The following PSPH variants were observed in gnomAD, a reference collection of about 807,000 sequenced individuals.
The protein encoded by PSPH is L-3-phosphoserine phosphatase.
PSPH carries 16 observed loss-of-function variants against 23.4 expected under a neutral mutation model. The ratio of observed to expected loss-of-function variants is 0.68; its 90% confidence interval spans 0.46 to 1.04. The LOEUF (loss-of-function observed/expected upper bound fraction) is 1.04. Ranked by LOEUF, PSPH falls within the 50% of genes least tolerant of loss-of-function variation. The probability of loss-of-function intolerance (pLI) is 0.00; values close to 1 mark genes in which losing one functional copy is unlikely to be tolerated. For missense variants in PSPH, 223 were observed against 273.7 expected, an observed-to-expected ratio of 0.81 and a Z score of 1.31; for synonymous variants, 68 against 99.7, an observed-to-expected ratio of 0.68 and a Z score of 1.89.
intron 3 of PSPH, among the ~76,000 whole-genome samples, chr7:56,028,654 G>A (rs767614976): frequency 1.9e-4 from 29 of 151,994 alleles, no homozygotes; most frequent in Admixed American, 8.5e-4. Flanking sequence ...AAACGGTCAG[G>A]CCAGGGGAGA....
chr7:56,035,116 G>A (rs1791564034), intron 1 of PSPH, among the ~76,000 whole-genome samples: 1 of 152,078 alleles, frequency 6.6e-6, no homozygotes, highest in African/African-American at 2.4e-5. Flanking sequence ...TGAGGCAAGC[G>A]GATCACCTGA....
At chr7:56,037,171 C>G (rs1791832059) in intron 1 of PSPH, among the ~76,000 whole-genome samples, 2 of 121,208 alleles carry the variant, frequency 1.7e-5, no homozygotes, top group Non-Finnish European at 3.4e-5. Flanking sequence ...CAGACTCTGT[C>G]TCAAAAAAAA....
intron 1 of PSPH, among the ~76,000 whole-genome samples, chr7:56,041,373 C>T (rs1390644469): frequency 3.3e-5 from 5 of 151,848 alleles, no homozygotes; most frequent in African/African-American, 1.2e-4. Flanking sequence ...CCACCATGCC[C>T]AGCTAATTTT....
chr7:56,020,967 A>G, intron 4 of PSPH, 106 bp downstream of exon 4: 1 of 1,334,338 alleles, frequency 7.5e-7, no homozygotes, highest in Non-Finnish European at 1.1e-6. Flanking sequence ...ATGAAAGAAA[A>G]AGCCTAGTGC....
chr7:56,051,020 A>G (rs969813868), intron 1 of PSPH, 118 bp downstream of exon 1: 3 of 152,200 alleles, frequency 2.0e-5, no homozygotes, highest in African/African-American at 7.2e-5. Flanking sequence ...CAACATAGTG[A>G]GACCCTATGT....
At chr7:56,048,418 C>G (rs1357335508) in intron 1 of PSPH, among the ~76,000 whole-genome samples, 1 of 151,952 alleles carries the variant, frequency 6.6e-6, no homozygotes, top group African/African-American at 2.4e-5. Flanking sequence ...AGAACTGTTC[C>G]AGACTGAAGA....
chr7:56,027,131 G>T (rs1276595720), intron 3 of PSPH, among the ~76,000 whole-genome samples: 1 of 151,746 alleles, frequency 6.6e-6, no homozygotes, highest in African/African-American at 2.4e-5. Context: ...CTTGAACCCG[G>T]GAGGCAGAAG....
At chr7:56,021,365 T>G (rs1007855993) in intron 3 of PSPH, 134 bp from the exon 4 acceptor site, 4 of 658,850 alleles carry the variant, frequency 6.1e-6, no homozygotes, top group Non-Finnish European at 8.9e-6. Context: ...CAGATTCATT[T>G]TTTTTTCCTT....
At chr7:56,041,315 C>T (rs1584496515) in intron 1 of PSPH, among the ~76,000 whole-genome samples, 1 of 150,516 alleles carries the variant, frequency 6.6e-6, no homozygotes, top group Admixed American at 6.7e-5. Flanking sequence ...CAGGTTCAAG[C>T]GATTCTTCTG....
At chr7:56,021,018 G>C (rs1789310025) in intron 4 of PSPH, 55 bp downstream of exon 4, 3 of 1,433,064 alleles carry the variant, frequency 2.1e-6, no homozygotes, top group Non-Finnish European at 2.7e-6. Context: ...ATCCAAAACA[G>C]TCACTCTTTA....
At chr7:56,039,795 T>TA (rs1266091253) in intron 1 of PSPH, among the ~76,000 whole-genome samples, 409 of 107,760 alleles carry the variant, frequency 3.8e-3, no homozygotes, top group Middle Eastern at 0.014. Context: ...AAAAAAAAAT[T>TA]AAAAAAAAAA....
intron 3 of PSPH, among the ~76,000 whole-genome samples, chr7:56,021,904 C>T (rs866070991): frequency 1.4e-5 from 2 of 146,722 alleles, no homozygotes; most frequent in South Asian, 2.2e-4. Flanking sequence ...GAGCCAAGAT[C>T]GCGCCACTGC....
chr7:56,016,732 A>G (rs1788609084), intron 6 of PSPH, among the ~76,000 whole-genome samples: 1 of 151,480 alleles, frequency 6.6e-6, no homozygotes, highest in Non-Finnish European at 1.5e-5. Flanking sequence ...CACCATGCCC[A>G]GCTAATTTTT....
At position 56,015,295 on chromosome 7, in the gene PSPH, G is replaced by A. The variant is rs931279234; in HGVS notation, c.422-124C>T. On this transcript the variant is annotated intron_variant, in intron 6 of 7. Coordinates refer to ENST00000275605, the MANE Select transcript of PSPH (RefSeq NM_004577.4). Reference sequence around the variant, plus strand: ...AAGGCTAAAAATGGCCGTCGGTAAAGTCACACAGCCTGGAGCTCCACACCT... The same window carrying A: ...AAGGCTAAAAATGGCCGTCGGTAAAATCACACAGCCTGGAGCTCCACACCT... 3.8e-6 allele frequency: 4 copies of A among 1,063,112 alleles called. No homozygotes were observed. The African/African-American group carries it at 6.3e-5, about 17-fold the overall frequency. 65.9% of individuals were successfully genotyped at this position (1,063,112 alleles called of 1,614,324 possible). A position where few individuals can be genotyped will look rare whatever the true frequency, so the allele number is the denominator to read the frequency against.
At chr7:56,040,786 G>C (rs1792420774) in intron 1 of PSPH, among the ~76,000 whole-genome samples, 1 of 151,936 alleles carries the variant, frequency 6.6e-6, no homozygotes, top group South Asian at 2.1e-4. Flanking sequence ...GCAGATCCCG[G>C]AAAACACCAG....
intron 7 of PSPH, 112 bp from the exon 8 acceptor site, chr7:56,011,981 C>T (rs779850783): frequency 1.3e-6 from 1 of 797,900 alleles, no homozygotes; most frequent in Non-Finnish European, 2.0e-6. Flanking sequence ...TCTCCACTCA[C>T]TGCAACCTCT....
chr7:56,031,166 C>G (rs931966372), intron 3 of PSPH, among the ~76,000 whole-genome samples: 1 of 151,490 alleles, frequency 6.6e-6, no homozygotes, highest in Admixed American at 6.6e-5. Flanking sequence ...AGCCGAGATT[C>G]CGCCACTGCA....
intron 3 of PSPH, among the ~76,000 whole-genome samples, chr7:56,029,692 T>C (rs1790677769): frequency 6.6e-6 from 1 of 152,088 alleles, no homozygotes; most frequent in Admixed American, 6.6e-5. Flanking sequence ...TCACCTTACT[T>C]CCTTCACCTT....
At chr7:56,041,281 C>T (rs1033438131) in intron 1 of PSPH, among the ~76,000 whole-genome samples, 1 of 148,090 alleles carries the variant, frequency 6.8e-6, no homozygotes, top group Admixed American at 6.8e-5. Flanking sequence ...GGCACAATCT[C>T]AGCTCACTGC....
Sources: allele counts gnomAD v4.1 joint callset (sites outside exome capture counted in the v4.1 genomes callset), GRCh38; gene constraint gnomAD v4.1.1; transcripts MANE v1.5; gene names NCBI Gene and HGNC (gene_info 2026-07-23, HGNC 2026-07-21).